Variants in ITGB6 observed in about 807,000 individuals in gnomAD.
The protein encoded by ITGB6 is integrin subunit beta 6, also known as integrin beta-6.
Under a neutral mutation model 84.5 loss-of-function variants are expected in ITGB6, and 80 were observed. The observed-to-expected ratio is 0.95, with a 90% confidence interval of 0.79 to 1.14. The LOEUF is 1.14. Ranked by LOEUF, ITGB6 falls within the 50% of genes most tolerant of loss-of-function variation. The pLI is 0.00. For missense variants in ITGB6, 1,006 were observed against 968.0 expected, an observed-to-expected ratio of 1.04 and a Z score of -0.52; for synonymous variants, 383 against 354.9, an observed-to-expected ratio of 1.08 and a Z score of -0.89.
intron 12 of ITGB6, among the ~76,000 whole-genome samples, chr2:160,118,582 G>A (rs1451574664): frequency 2.6e-5 from 4 of 152,014 alleles, no homozygotes; most frequent in African/African-American, 4.8e-5. Context: ...AAAACTGGAA[G>A]CATTCCCTTT....
intron 13 of ITGB6, among the ~76,000 whole-genome samples, chr2:160,110,392 T>A (rs921077555): frequency 6.6e-6 from 1 of 152,234 alleles, no homozygotes; most frequent in African/African-American, 2.4e-5. Context: ...AAATGAGAGC[T>A]GCTATTATAA....
intron 4 of ITGB6, 70 bp downstream of exon 4, chr2:160,195,299 T>C (rs1686286722): frequency 1.9e-6 from 3 of 1,587,510 alleles, no homozygotes; most frequent in Admixed American, 1.7e-5. Context: ...TCCTGGCAAG[T>C]GCAGCTCAGA....
intron 12 of ITGB6, among the ~76,000 whole-genome samples, chr2:160,117,755 A>G (rs76999827): frequency 0.66 from 99,607 of 151,900 alleles, 33,061 homozygotes; most frequent in Admixed American, 0.73. Context: ...CAACAAAATC[A>G]ATAGACCGCT....
rs1559187927 is a variant in ITGB6, at chr2:160,169,312, A to C, written c.922-5T>G. ...TTGTCCAATTGTTGGATATTCCTAAAATTAACATATATAATTTTGCATCAT... is the reference window on the plus strand; with the variant it reads ...TTGTCCAATTGTTGGATATTCCTAACATTAACATATATAATTTTGCATCAT... On this transcript the variant is annotated splice_polypyrimidine_tract_variant and splice_region_variant and intron_variant, in intron 6 of 14. Transcript: ENST00000283249. The C allele has an allele frequency of 1.4e-6, 2 of 1,471,304 alleles. No homozygotes were observed. Among genetic ancestry groups the C allele is most frequent in the Non-Finnish European group, 1.9e-6 (2 of 1,064,424 alleles). 91.1% of individuals were successfully genotyped at this position (1,471,304 alleles called of 1,614,324 possible).
intron 4 of ITGB6, among the ~76,000 whole-genome samples, chr2:160,183,519 A>T (rs553718058): frequency 6.6e-6 from 1 of 152,330 alleles, no homozygotes; most frequent in African/African-American, 2.4e-5. Context: ...AAAGAAACTT[A>T]GACTCCCACA....
chr2:160,182,211 G>A (rs779905127), intron 4 of ITGB6, among the ~76,000 whole-genome samples: 6 of 152,120 alleles, frequency 3.9e-5, no homozygotes, highest in Non-Finnish European at 8.8e-5. Context: ...AAAGGAGCAT[G>A]TTCTAACCCA....
intron 4 of ITGB6, among the ~76,000 whole-genome samples, 177 bp downstream of exon 4, chr2:160,195,192 T>C (rs532763577): frequency 1.3e-5 from 2 of 152,262 alleles, no homozygotes; most frequent in Non-Finnish European, 2.9e-5. Context: ...AACCATGTAG[T>C]TCAGATGACC....
At chr2:160,160,322 A>G (rs1221803893) in intron 7 of ITGB6, among the ~76,000 whole-genome samples, 5 of 152,222 alleles carry the variant, frequency 3.3e-5, no homozygotes, top group African/African-American at 4.8e-5. Flanking sequence ...ACATATTTAT[A>G]CTAATAATTA....
chr2:160,153,528 G>A (rs1684508261), intron 7 of ITGB6, among the ~76,000 whole-genome samples: 1 of 152,142 alleles, frequency 6.6e-6, no homozygotes, highest in South Asian at 2.1e-4. Context: ...ATAGGCATGG[G>A]CAAGGACTTC....
At chr2:160,130,477 AAC>A (rs1457507772) in intron 10 of ITGB6, among the ~76,000 whole-genome samples, 8 of 152,292 alleles carry the variant, frequency 5.3e-5, no homozygotes, top group Non-Finnish European at 1.0e-4. Flanking sequence ...TAAGTCGAGC[AAC>A]ACACTAAATT....
At chr2:160,161,577 C>T (rs982627904) in intron 7 of ITGB6, among the ~76,000 whole-genome samples, 1 of 152,178 alleles carries the variant, frequency 6.6e-6, no homozygotes, top group Non-Finnish European at 1.5e-5. Context: ...AGGCATGAAC[C>T]ACCATGCCCG....
At chr2:160,123,697 AG>A (rs1295308781) in intron 12 of ITGB6, 93 bp downstream of exon 12, 2 of 870,310 alleles carry the variant, frequency 2.3e-6, no homozygotes, top group African/African-American at 3.3e-5. Flanking sequence ...AATAAGGTCA[AG>A]CTACTAAATA....
In ITGB6 at chr2:160,128,186, G is replaced by C. The variant is rs139691306; in HGVS notation, c.1661-1585C>G. ...ACTACTACTAATAAATATACATAGG[G>C]GAATAGTTTCCAAATTAAACTGGAG... is the stretch of plus-strand genomic sequence containing the variant. On this transcript the variant is annotated intron_variant, in intron 10 of 14. Coordinates refer to ENST00000283249, the MANE Select transcript of ITGB6 (RefSeq NM_000888.5). 1.6e-4 allele frequency among the ~76,000 whole-genome samples: 25 copies of C among 152,014 alleles called. 1 individual carries two copies. The highest frequency in any genetic ancestry group is 1.6e-3 in the Admixed American group (25 of 15,260).
In ITGB6 at chr2:160,172,659, T is replaced by C; in HGVS notation, c.831A>G (p.Gly277=). The C allele has an allele frequency of 6.2e-7, 1 of 1,611,628 alleles. No homozygotes were observed. The highest frequency in any genetic ancestry group is 8.5e-7 in the Non-Finnish European group (1 of 1,177,982). The part of the protein sequence containing the change: ...VFVSDADSHF[G]MDSKLAGIVI... Reference sequence around the variant, plus strand: ...CGATGCCTGCTAGTTTGCTGTCCATTCCAAAATGAGAATCAGCATCACTCA... The same window carrying C: ...CGATGCCTGCTAGTTTGCTGTCCATCCCAAAATGAGAATCAGCATCACTCA... Residue 277 remains glycine, a synonymous_variant, in exon 6 of 15, where the codon GGA becomes GGG. Transcript: ENST00000283249.
intron 12 of ITGB6, among the ~76,000 whole-genome samples, chr2:160,119,290 A>G (rs568491130): frequency 6.6e-6 from 1 of 152,332 alleles, no homozygotes; most frequent in Admixed American, 6.5e-5. Context: ...AGTAACCAAA[A>G]CAGCATGGTA....
chr2:160,140,140 A>C (rs944329129), intron 8 of ITGB6, among the ~76,000 whole-genome samples: 2 of 152,200 alleles, frequency 1.3e-5, no homozygotes, highest in African/African-American at 4.8e-5. Flanking sequence ...TCTTTTTAGC[A>C]TACATTTAAA....
intron 4 of ITGB6, among the ~76,000 whole-genome samples, chr2:160,190,513 A>G (rs1050280104): frequency 1.3e-5 from 2 of 152,224 alleles, no homozygotes; most frequent in African/African-American, 4.8e-5. Flanking sequence ...CTTGTGGTTA[A>G]TCACCATGCG....
chr2:160,107,607 G>T (rs1696958620), intron 14 of ITGB6, 72 bp downstream of exon 14: 3 of 1,380,252 alleles, frequency 2.2e-6, no homozygotes, highest in Non-Finnish European at 3.1e-6. Flanking sequence ...GCAGAAGAAA[G>T]CTGAGCCCCT....
chr2:160,154,673 C>T (rs780854870), intron 7 of ITGB6, among the ~76,000 whole-genome samples: 2 of 151,668 alleles, frequency 1.3e-5, no homozygotes, highest in Non-Finnish European at 2.9e-5. Context: ...CCAGAAGCAA[C>T]CAAGATGTCC....
Sources: gnomAD v4.1 joint callset for allele counts (sites outside exome capture counted in the v4.1 genomes callset) on GRCh38, gnomAD v4.1.1 for gene constraint, MANE v1.5 for transcripts, NCBI Gene and HGNC (gene_info 2026-07-23, HGNC 2026-07-21) for gene names.